The following PPFIBP1 variants were observed in gnomAD, a reference collection of about 807,000 sequenced individuals.
The protein encoded by PPFIBP1 is liprin-beta-1.
In PPFIBP1, 112 loss-of-function variants were observed where a neutral mutation model predicts 137.8. The ratio of observed to expected loss-of-function variants is 0.81; its 90% CI spans 0.70 to 0.95. PPFIBP1 has a LOEUF of 0.95. PPFIBP1 is among the 40% of genes least tolerant of loss of function. PPFIBP1 has a pLI of 0.00. For missense variants in PPFIBP1, 1,083 were observed against 1,196.6 expected, an observed-to-expected ratio of 0.91 and a Z score of 1.40; for synonymous variants, 378 against 417.3, an observed-to-expected ratio of 0.91 and a Z score of 1.15.
chr12:27,560,622 G>T (rs2049077521), intron 1 of PPFIBP1, among the ~76,000 whole-genome samples: 1 of 152,200 alleles, frequency 6.6e-6, no homozygotes, highest in African/African-American at 2.4e-5. Flanking sequence ...TCAGTACTGT[G>T]TGAGTGAGTT....
intron 1 of PPFIBP1, among the ~76,000 whole-genome samples, chr12:27,534,411 C>T (rs1944758333): frequency 6.6e-6 from 1 of 152,188 alleles, no homozygotes; most frequent in Non-Finnish European, 1.5e-5. Context: ...AACTCAGGCT[C>T]CTGAGAGGAT....
chr12:27,528,625 A>G (rs1363558985), intron 1 of PPFIBP1, among the ~76,000 whole-genome samples: 1 of 152,222 alleles, frequency 6.6e-6, no homozygotes, highest in African/African-American at 2.4e-5. Context: ...ATAATTACTG[A>G]TGCTCAATTG....
chr12:27,663,563 G>A (rs1394163859), intron 11 of PPFIBP1, among the ~76,000 whole-genome samples: 1 of 152,178 alleles, frequency 6.6e-6, no homozygotes, highest in Admixed American at 6.5e-5. Flanking sequence ...GGTTGGGGCC[G>A]GGCATGGTGG....
intron 1 of PPFIBP1, among the ~76,000 whole-genome samples, chr12:27,550,364 TCAC>T (rs1431794347): frequency 6.6e-6 from 1 of 152,252 alleles, no homozygotes; most frequent in Non-Finnish European, 1.5e-5. Context: ...GTCTGCACAC[TCAC>T]ACATGTTAAC....
intron 8 of PPFIBP1, chr12:27,655,189 T>C: frequency 2.0e-6 from 3 of 1,535,996 alleles, no homozygotes; most frequent in Non-Finnish European, 2.6e-6. Context: ...GTGGGTCAGA[T>C]GCAGTATGAA....
chr12:27,530,093 A>G (rs190985306), intron 1 of PPFIBP1, among the ~76,000 whole-genome samples: 2 of 152,320 alleles, frequency 1.3e-5, no homozygotes, highest in East Asian at 3.9e-4. Context: ...TACTTTTTTC[A>G]TCTAGTGACT....
rs531363399 is a variant in PPFIBP1, at chr12:27,627,451, A to G, written c.-35-5911A>G. Among the ~76,000 whole-genome samples the G allele has an allele frequency of 3.9e-5, 6 of 152,340 alleles. No homozygotes were observed. The East Asian group carries it at 1.2e-3, about 29-fold the overall frequency. On this transcript the variant is annotated intron_variant, in intron 2 of 29. Coordinates refer to ENST00000228425, the MANE Select transcript of PPFIBP1 (RefSeq NM_003622.4). ...CTTTCTCTGAAGATTCCTTCTTTCAAGTGTCTTAGTCTCAGTGAATTGTAT... is the reference window on the plus strand; with the variant it reads ...CTTTCTCTGAAGATTCCTTCTTTCAGGTGTCTTAGTCTCAGTGAATTGTAT...
chr12:27,584,950 G>C (rs1266282805), intron 2 of PPFIBP1, among the ~76,000 whole-genome samples: 1 of 152,134 alleles, frequency 6.6e-6, no homozygotes, highest in Non-Finnish European at 1.5e-5. Context: ...CCACTGTAGG[G>C]CATCTTAGGA....
At chr12:27,679,710 A>G in intron 20 of PPFIBP1, 71 bp downstream of exon 20, 1 of 1,533,298 alleles carries the variant, frequency 6.5e-7, no homozygotes, top group Non-Finnish European at 8.9e-7. Context: ...GGACATGGGT[A>G]TGGACTTTGT....
intron 27 of PPFIBP1, 118 bp downstream of exon 27, chr12:27,689,321 C>T: frequency 1.2e-6 from 1 of 856,496 alleles, no homozygotes; most frequent in Non-Finnish European, 1.7e-6. Flanking sequence ...TCCTTACCAG[C>T]AGATGCAGGA....
chr12:27,529,901 C>T (rs945804385), intron 1 of PPFIBP1, among the ~76,000 whole-genome samples: 5 of 152,132 alleles, frequency 3.3e-5, no homozygotes, highest in South Asian at 2.1e-4. Context: ...CTTGTATTTC[C>T]GTGCCTAGGA....
At chr12:27,571,008 C>A in intron 1 of PPFIBP1, among the ~76,000 whole-genome samples, 1 of 152,172 alleles carries the variant, frequency 6.6e-6, no homozygotes, top group East Asian at 1.9e-4. Flanking sequence ...AAAGATGTTA[C>A]TGGTAGTAGA....
intron 1 of PPFIBP1, among the ~76,000 whole-genome samples, chr12:27,565,526 G>A (rs564894045): frequency 1.3e-5 from 2 of 151,936 alleles, no homozygotes; most frequent in South Asian, 4.2e-4. Context: ...TTGTCTCCAG[G>A]GTCACTTCTT....
At chr12:27,638,001 G>A (rs1238283598) in intron 4 of PPFIBP1, among the ~76,000 whole-genome samples, 2 of 151,882 alleles carry the variant, frequency 1.3e-5, no homozygotes, top group Non-Finnish European at 2.9e-5. Flanking sequence ...AAGGTACTTA[G>A]AATAGTCAAA....
rs1269604488 is a variant in PPFIBP1, at chr12:27,693,663, T to C, written c.*781T>C. On this transcript the variant is annotated 3_prime_UTR_variant, in exon 30 of 30. Transcript: ENST00000228425. ...CTTAATCTTGGATCCCTTTACCTCATATGGAAGAACTTGAGGGACATTAGT... is the reference window on the plus strand; with the variant it reads ...CTTAATCTTGGATCCCTTTACCTCACATGGAAGAACTTGAGGGACATTAGT... 1 of 152,104 alleles carries C rather than the reference T, an allele frequency of 6.6e-6. No homozygotes were observed. The highest frequency in any genetic ancestry group is 1.9e-4 in the East Asian group (1 of 5,196). The allele number at this position is 152,104 out of a possible 1,614,324, so 9.4% of individuals were successfully genotyped here. A position where few individuals can be genotyped will look rare whatever the true frequency, so the allele number is the denominator to read the frequency against.
At chr12:27,668,361 A>G (rs1051730548) in intron 13 of PPFIBP1, among the ~76,000 whole-genome samples, 12 of 152,296 alleles carry the variant, frequency 7.9e-5, no homozygotes, top group African/African-American at 2.9e-4. Context: ...GGATAGGCAT[A>G]ATGTAACTGC....
At chr12:27,611,926 G>A (rs1277686040) in intron 2 of PPFIBP1, among the ~76,000 whole-genome samples, 1 of 152,154 alleles carries the variant, frequency 6.6e-6, no homozygotes, top group Non-Finnish European at 1.5e-5. Context: ...AGTCCATGAC[G>A]TGTAACATGT....
chr12:27,678,369 T>C (rs2060652295), intron 19 of PPFIBP1, among the ~76,000 whole-genome samples: 1 of 152,160 alleles, frequency 6.6e-6, no homozygotes, highest in Non-Finnish European at 1.5e-5. Context: ...AAATTAGGCA[T>C]ATCCAGTTCA....
chr12:27,565,024 T>A (rs1178250804), intron 1 of PPFIBP1, among the ~76,000 whole-genome samples: 1 of 152,216 alleles, frequency 6.6e-6, no homozygotes, highest in African/African-American at 2.4e-5. Context: ...GTCCTTTGAT[T>A]CTTCATCTCC....
Sources: gnomAD v4.1 joint callset for allele counts (sites outside exome capture counted in the v4.1 genomes callset) on GRCh38, gnomAD v4.1.1 for gene constraint, MANE v1.5 for transcripts, NCBI Gene and HGNC (gene_info 2026-07-23, HGNC 2026-07-21) for gene names.